Variants in SPRYD3 observed in about 807,000 individuals in gnomAD.
SPRYD3 encodes the protein SPRY domain-containing protein 3.
Under a neutral mutation model 50.1 loss-of-function variants are expected in SPRYD3, and 17 were observed. The ratio of observed to expected loss-of-function variants is 0.34; its 90% CI spans 0.23 to 0.51. SPRYD3 has a LOEUF of 0.51. Among genes scored for constraint, SPRYD3 ranks in the 20% least tolerant of loss-of-function variants. The pLI is 0.97. For synonymous variants in SPRYD3, 198 were observed against 215.5 expected (o/e 0.92, Z 0.71); for missense variants, 401 against 591.2 (o/e 0.68, Z 3.34).
chr12:53,071,742 AAAAG>A (rs1350286294), intron 6 of SPRYD3, among the ~76,000 whole-genome samples: 1 of 151,384 alleles, frequency 6.6e-6, no homozygotes, highest in Non-Finnish European at 1.5e-5. Flanking sequence ...AAAAAAAAAA[AAAAG>A]GAAAGTTGGC....
In SPRYD3 at chr12:53,065,847, G is replaced by A. The variant is rs773607117; in HGVS notation, c.1314C>T (p.His438=). 8 of 1,613,174 alleles carry A rather than the reference G, an allele frequency of 5.0e-6. No homozygotes were observed. The African/African-American group carries it at 9.3e-5, about 19-fold the overall frequency. ...SCGEKVKVDL[H]PLSG Reference sequence around the variant, plus strand: ...AGGGGAGGCCCTAGCCACTCAAGGGGTGCAGATCTACTTTGACTTTCTCCC... The same window carrying A: ...AGGGGAGGCCCTAGCCACTCAAGGGATGCAGATCTACTTTGACTTTCTCCC... The change falls in exon 11 of 11, where the codon CAC becomes CAT. Residue 438 remains histidine, a synonymous_variant. Transcript: ENST00000301463.
chr12:53,073,280 A>G lies in SPRYD3; in HGVS notation c.693+6T>C. On this transcript the variant is annotated splice_donor_region_variant and intron_variant, in intron 6 of 10. Transcript: ENST00000301463. ...AGCCCCTCCCACCCTCCCACCCGCT[A>G]CTTACAGTCCCACAGACTCTGACAT... 1.3e-5 allele frequency: 1 copy of G among 74,236 alleles called. No homozygotes were observed. The highest frequency in any genetic ancestry group is 3.4e-5 in the Non-Finnish European group (1 of 29,616). 4.6% of individuals were successfully genotyped at this position (74,236 alleles called of 1,614,324 possible). A position where few individuals can be genotyped will look rare whatever the true frequency, so the allele number is the denominator to read the frequency against.
intron 6 of SPRYD3, 27 bp downstream of exon 6, chr12:53,073,259 C>CCGGGGGGGGGGGGGGGGGGGGGGGGGGG: frequency 2.5e-6 from 1 of 400,932 alleles, no homozygotes; most frequent in Non-Finnish European, 4.6e-6. Context: ...CGACCCAGCC[C>CCGGGGGGGGGGGGGGGGGGGGGGGGGGG]CTCCCACCCT....
At chr12:53,075,910 A>G in intron 2 of SPRYD3, 99 bp from the exon 3 acceptor site, 2 of 898,148 alleles carry the variant, frequency 2.2e-6, no homozygotes, top group Middle Eastern at 3.0e-4. Context: ...GGGCCAGCAC[A>G]CAGGAGAATC....
chr12:53,073,212 T>C, intron 6 of SPRYD3, 74 bp downstream of exon 6: 2 of 989,832 alleles, frequency 2.0e-6, no homozygotes, highest in Middle Eastern at 2.7e-4. Context: ...AATTCAGACA[T>C]GACCATGTGC....
In SPRYD3 at chr12:53,074,601, C is replaced by T; in HGVS notation, c.507+48G>A. The T allele has an allele frequency of 1.2e-6, 2 of 1,612,558 alleles. No homozygotes were observed. Among genetic ancestry groups the T allele is most frequent in the South Asian group, 1.1e-5 (1 of 90,838 alleles). On this transcript the variant is annotated intron_variant, in intron 5 of 10. Coordinates refer to ENST00000301463, the MANE Select transcript of SPRYD3 (RefSeq NM_032840.3). The surrounding 1 kb of genome is among the most constrained non-coding windows in gnomAD (Gnocchi z 4.6). ...TCTTCCTAATCACTCCCCACAAATCCTTGGGCAGATTTCAGCCACGTAAAT... is the reference window on the plus strand; with the variant it reads ...TCTTCCTAATCACTCCCCACAAATCTTTGGGCAGATTTCAGCCACGTAAAT...
intron 1 of SPRYD3, 40 bp from the exon 2 acceptor site, chr12:53,077,301 C>A (rs781016568): frequency 3.1e-6 from 5 of 1,610,740 alleles, no homozygotes; most frequent in Non-Finnish European, 3.4e-6. Flanking sequence ...AAGCAGGGCC[C>A]TAGGTAAAGC....
At chr12:53,075,069 G>C (rs760428351) in intron 4 of SPRYD3, 26 bp downstream of exon 4, 1 of 1,606,472 alleles carries the variant, frequency 6.2e-7, no homozygotes, top group African/African-American at 1.3e-5. Context: ...TAGGAAAAGG[G>C]CCGGGTTGCA....
intron 2 of SPRYD3, among the ~76,000 whole-genome samples, 198 bp downstream of exon 2, chr12:53,076,917 G>A (rs1484286528): frequency 6.6e-6 from 1 of 151,356 alleles, no homozygotes; most frequent in East Asian, 1.9e-4. Flanking sequence ...CCACTGCACT[G>A]TAGCCTGGGT....
At chr12:53,070,078 C>A (rs548932793) in intron 6 of SPRYD3, among the ~76,000 whole-genome samples, 2 of 152,158 alleles carry the variant, frequency 1.3e-5, no homozygotes, top group Non-Finnish European at 2.9e-5. Flanking sequence ...CGCTAAAAGC[C>A]AGGACGGACT....
chr12:53,074,845 C>T lies in SPRYD3; in HGVS notation c.372-61G>A, dbSNP rs1944577043. ...CTGGCCTCCCAACTTCTCCCCAGCACTGACAGCAGAGGCCTCATCCTCATC... is the reference window on the plus strand; with the variant it reads ...CTGGCCTCCCAACTTCTCCCCAGCATTGACAGCAGAGGCCTCATCCTCATC... On this transcript the variant is annotated intron_variant, in intron 4 of 10. Transcript: ENST00000301463. This position sits in a 1 kb window ranked among gnomAD's most constrained non-coding sequence, Gnocchi z 4.6. 4.4e-6 allele frequency: 7 copies of T among 1,595,492 alleles called. No individual in the cohort carries two copies. In the East Asian group the frequency reaches 1.1e-4, roughly 25 times the overall value.
At chr12:53,075,472 G>A (rs1250872448) in intron 3 of SPRYD3, among the ~76,000 whole-genome samples, 3 of 152,140 alleles carry the variant, frequency 2.0e-5, no homozygotes, top group Non-Finnish European at 4.4e-5. Flanking sequence ...TTGGGTTAGG[G>A]GACATGAGTC....
chr12:53,068,647 C>T (rs1311268165), intron 6 of SPRYD3, among the ~76,000 whole-genome samples: 1 of 152,108 alleles, frequency 6.6e-6, no homozygotes, highest in Non-Finnish European at 1.5e-5. Flanking sequence ...GCCTTTCCTG[C>T]TGGGAAAGGT....
chr12:53,075,652 A>T, intron 3 of SPRYD3, 84 bp downstream of exon 3: 1 of 1,100,058 alleles, frequency 9.1e-7, no homozygotes, highest in Non-Finnish European at 1.4e-6. Flanking sequence ...CCCAGGTCAT[A>T]CATCTAGTAA....
At chr12:53,076,073 A>G (rs1944586973) in intron 2 of SPRYD3, among the ~76,000 whole-genome samples, 1 of 152,214 alleles carries the variant, frequency 6.6e-6, no homozygotes, top group African/African-American at 2.4e-5. Flanking sequence ...AAGAATGTAG[A>G]GCCTCCCTTA....
chr12:53,066,250 A>G (rs1944505231), intron 10 of SPRYD3, 64 bp downstream of exon 10: 2 of 1,576,968 alleles, frequency 1.3e-6, no homozygotes, highest in African/African-American at 1.3e-5. Flanking sequence ...TCTGTTCCCC[A>G]CTAATACCCA....
Position 53,067,650 on chromosome 12 carries a change from G to T in SPRYD3, c.899C>A (p.Ala300Glu). ...GWSRGSVAYH[A>E]DDGKIFHGSG... ...TTCCCAGGCAGCCCGCTATTCACCT[G>T]CATGATAAGCCACAGACCCTCTGCT... is the stretch of plus-strand genomic sequence containing the variant. Residue 300 changes from alanine to glutamate, a missense_variant and splice_region_variant, in exon 8 of 11, where the codon GCA becomes GAA. Ala to Glu is a moderately radical substitution (Grantham distance 107, BLOSUM62 -1). Coordinates refer to ENST00000301463, the MANE Select transcript of SPRYD3 (RefSeq NM_032840.3). 6.2e-7 allele frequency: 1 copy of T among 1,613,964 alleles called. No individual in the cohort carries two copies. Among genetic ancestry groups the T allele is most frequent in the Non-Finnish European group, 8.5e-7 (1 of 1,179,862 alleles).
intron 1 of SPRYD3, among the ~76,000 whole-genome samples, chr12:53,078,692 T>G (rs1944608776): frequency 6.6e-6 from 1 of 152,104 alleles, no homozygotes; most frequent in African/African-American, 2.4e-5. Flanking sequence ...TAAACAACCA[T>G]CAGTCCCTAC....
intron 6 of SPRYD3, among the ~76,000 whole-genome samples, chr12:53,068,638 C>G (rs781421860): frequency 6.6e-6 from 1 of 152,160 alleles, no homozygotes. Context: ...AACCCTGCAG[C>G]CTTTCCTGCT....
Sources: gnomAD v4.1 joint callset for allele counts (sites outside exome capture counted in the v4.1 genomes callset) on GRCh38, gnomAD v4.1.1 for gene constraint, Gnocchi (gnomAD v3.1) non-coding constraint, MANE v1.5 for transcripts, NCBI Gene and HGNC (gene_info 2026-07-23, HGNC 2026-07-21) for gene names.